The following CEP112 variants were observed in gnomAD, a reference collection of about 807,000 sequenced individuals.
CEP112 encodes centrosomal protein of 112 kDa.
A neutral mutation model predicts 153.0 loss-of-function variants in CEP112; 127 were observed. The ratio of observed to expected loss-of-function variants is 0.83; its 90% CI spans 0.72 to 0.96. The LOEUF is 0.96. CEP112 is among the 40% of genes least tolerant of loss of function. The pLI, the probability that CEP112 is intolerant of heterozygous loss-of-function variation, is 0.00. For synonymous variants in CEP112, 358 were observed against 374.4 expected (o/e 0.96, Z 0.51); for missense variants, 1,089 against 1,101.2 (o/e 0.99, Z 0.16).
At chr17:65,815,096 T>C (rs1341829078) in intron 21 of CEP112, among the ~76,000 whole-genome samples, 1 of 151,904 alleles carries the variant, frequency 6.6e-6, no homozygotes. Flanking sequence ...TGAAGAAATG[T>C]TTGTCTAAAT....
intron 15 of CEP112, among the ~76,000 whole-genome samples, chr17:66,027,884 G>GT (rs1477705894): frequency 6.6e-6 from 1 of 152,026 alleles, no homozygotes; most frequent in Non-Finnish European, 1.5e-5. Context: ...GTTACATCAT[G>GT]TAACAGTCCT....
chr17:65,833,451 A>C (rs745647456), intron 21 of CEP112, among the ~76,000 whole-genome samples: 27 of 152,160 alleles, frequency 1.8e-4, no homozygotes, highest in Non-Finnish European at 2.5e-4. Context: ...TATCTAGAAA[A>C]CCCCACAGTT....
In CEP112 at chr17:66,084,844, G is replaced by C. The variant is rs139586812; in HGVS notation, c.768+11407C>G. 5.8e-4 allele frequency among the ~76,000 whole-genome samples: 89 copies of C among 152,228 alleles called. No individual in the cohort carries two copies. In the East Asian group the frequency reaches 7.3e-3, roughly 13 times the overall value. ...ATTGTTTGTAACACAAAGGATAAAT[G>C]CTTAAGATGATGGATACCCCATTTA... On this transcript the variant is annotated intron_variant, in intron 8 of 26. Transcript: ENST00000535342.
intron 12 of CEP112, among the ~76,000 whole-genome samples, chr17:66,049,123 G>A (rs975938261): frequency 2.6e-5 from 4 of 152,156 alleles, no homozygotes; most frequent in Non-Finnish European, 4.4e-5. Context: ...CAGTGGTCCT[G>A]TGGTATTATG....
chr17:66,077,474 G>A (rs368423014), intron 8 of CEP112, among the ~76,000 whole-genome samples: 1 of 152,240 alleles, frequency 6.6e-6, no homozygotes, highest in African/African-American at 2.4e-5. Context: ...AGAGCTTGAC[G>A]ACAAGGTCTT....
chr17:65,937,563 A>T (rs1481186405), intron 18 of CEP112, among the ~76,000 whole-genome samples: 7 of 75,622 alleles, frequency 9.3e-5, no homozygotes, highest in Admixed American at 1.7e-4. Flanking sequence ...TCCGGGAGGG[A>T]GGTGGGGGGG....
chr17:66,160,145 G>C (rs1249785311), intron 4 of CEP112, among the ~76,000 whole-genome samples: 3 of 151,994 alleles, frequency 2.0e-5, no homozygotes, highest in African/African-American at 4.8e-5. Context: ...GGAATCTGAG[G>C]GACCTCTTCA....
intron 11 of CEP112, among the ~76,000 whole-genome samples, chr17:66,058,238 G>A (rs1200421975): frequency 2.0e-5 from 3 of 152,072 alleles, no homozygotes; most frequent in Admixed American, 6.6e-5. Context: ...TCAAATACCT[G>A]ACAATTTAAA....
At chr17:66,002,981 A>T (rs1021075984) in intron 17 of CEP112, among the ~76,000 whole-genome samples, 3 of 152,228 alleles carry the variant, frequency 2.0e-5, no homozygotes, top group Non-Finnish European at 4.4e-5. Flanking sequence ...AACCAGATCT[A>T]ACGCTATTCT....
In CEP112 at chr17:65,856,868, C is replaced by A. The variant is rs192387712; in HGVS notation, c.2164-4834G>T. On this transcript the variant is annotated intron_variant, in intron 20 of 26. Transcript: ENST00000535342. ...GTAGATACTGTTCTATATTTTCACACACCCAATTTTAATTTAATTCCCATT... is the reference window on the plus strand; with the variant it reads ...GTAGATACTGTTCTATATTTTCACAAACCCAATTTTAATTTAATTCCCATT... Among the ~76,000 whole-genome samples the A allele has an allele frequency of 5.3e-5, 8 of 152,022 alleles. No homozygotes were observed. In the East Asian group the frequency reaches 1.4e-3, roughly 26 times the overall value.
chr17:65,944,583 T>G (rs1294956187), intron 18 of CEP112, among the ~76,000 whole-genome samples: 2 of 152,184 alleles, frequency 1.3e-5, no homozygotes, highest in African/African-American at 4.8e-5. Context: ...ACTCTATTTT[T>G]TTTTTGTTTT....
At chr17:65,664,388 G>A (rs746329583) in intron 24 of CEP112, among the ~76,000 whole-genome samples, 5 of 152,190 alleles carry the variant, frequency 3.3e-5, no homozygotes, top group African/African-American at 4.8e-5. Flanking sequence ...TAAGTTTTAA[G>A]AGAACTTAAA....
At chr17:66,025,105 A>G (rs1780235911) in intron 16 of CEP112, among the ~76,000 whole-genome samples, 1 of 152,122 alleles carries the variant, frequency 6.6e-6, no homozygotes, top group Admixed American at 6.5e-5. Flanking sequence ...ATGAAACTGA[A>G]TCCCTCTCTC....
intron 12 of CEP112, among the ~76,000 whole-genome samples, chr17:66,030,714 C>T (rs8065613): frequency 0.52 from 78,260 of 151,822 alleles, 21,084 homozygotes; most frequent in African/African-American, 0.59. Context: ...CAATTTAAAA[C>T]GTGGATAAAG....
At chr17:66,141,076 G>GA (rs1402779176) in intron 4 of CEP112, among the ~76,000 whole-genome samples, 2 of 151,984 alleles carry the variant, frequency 1.3e-5, no homozygotes, top group African/African-American at 4.8e-5. Flanking sequence ...TGGGGATTTT[G>GA]AATCTATATT....
chr17:66,149,555 T>C (rs1239984541), intron 4 of CEP112, among the ~76,000 whole-genome samples: 4 of 152,162 alleles, frequency 2.6e-5, no homozygotes, highest in Non-Finnish European at 5.9e-5. Flanking sequence ...TTAGTCTTGG[T>C]AGGTCATGTG....
chr17:65,823,680 C>T (rs2056702359), intron 21 of CEP112, among the ~76,000 whole-genome samples: 1 of 152,076 alleles, frequency 6.6e-6, no homozygotes, highest in Admixed American at 6.6e-5. Flanking sequence ...AATTAAGAAT[C>T]TCTGCTCTTT....
At chr17:65,913,626 T>G (rs1598988674) in intron 19 of CEP112, 1 of 985,440 alleles carries the variant, frequency 1.0e-6, no homozygotes. Context: ...AAGTTCTCCT[T>G]ATTTAAAAGT....
At chr17:65,702,663 T>C (rs957537561) in intron 23 of CEP112, among the ~76,000 whole-genome samples, 3 of 152,200 alleles carry the variant, frequency 2.0e-5, no homozygotes, top group Non-Finnish European at 4.4e-5. Context: ...TCCATTCTCA[T>C]GCTGCTAATA....
Sources: gnomAD v4.1 joint callset for allele counts (sites outside exome capture counted in the v4.1 genomes callset) on GRCh38, gnomAD v4.1.1 for gene constraint, MANE v1.5 for transcripts, NCBI Gene and HGNC (gene_info 2026-07-23, HGNC 2026-07-21) for gene names.